The following FAM184B variants were observed in gnomAD, a reference collection of about 807,000 sequenced individuals.
FAM184B encodes protein FAM184B.
In FAM184B, 111 loss-of-function variants were observed where a neutral mutation model predicts 135.9. The observed-to-expected ratio is 0.82, with a 90% CI of 0.70 to 0.96. The LOEUF is 0.96. FAM184B is among the 40% of genes least tolerant of loss of function. The pLI, the probability that FAM184B is intolerant of heterozygous loss-of-function variation, is 0.00. For missense variants in FAM184B, 1,375 were observed against 1,323.9 expected (o/e 1.04, Z -0.60); for synonymous variants, 552 against 524.8 (o/e 1.05, Z -0.71).
At chr4:17,732,995 A>G (rs1717821619) in intron 1 of FAM184B, among the ~76,000 whole-genome samples, 1 of 152,240 alleles carries the variant, frequency 6.6e-6, no homozygotes, top group African/African-American at 2.4e-5. Flanking sequence ...ACCATGATCA[A>G]GTGGGCTTCA....
chr4:17,647,202 C>G (rs1715490357), intron 12 of FAM184B, among the ~76,000 whole-genome samples: 1 of 151,778 alleles, frequency 6.6e-6, no homozygotes. Context: ...AAGGGTCTTC[C>G]CCACTTCGGG....
chr4:17,734,442 G>A (rs1717860344), intron 1 of FAM184B, among the ~76,000 whole-genome samples: 1 of 152,022 alleles, frequency 6.6e-6, no homozygotes, highest in Non-Finnish European at 1.5e-5. Context: ...TCTGACAAAG[G>A]CCTAATATCC....
chr4:17,768,998 T>A (rs1411126895), intron 1 of FAM184B, among the ~76,000 whole-genome samples: 1 of 152,006 alleles, frequency 6.6e-6, no homozygotes, highest in Non-Finnish European at 1.5e-5. Flanking sequence ...AGACGGGGTT[T>A]CTCCATGTTG....
rs563955204 is a variant in FAM184B, at chr4:17,642,140, G to A, written c.2435C>T (p.Ala812Val). 4.2e-4 allele frequency: 641 copies of A among 1,533,666 alleles called. 2 individuals carry two copies. In the African/African-American group the frequency reaches 7.8e-3, roughly 19 times the overall value. The change falls in exon 13 of 18, where the codon GCG (alanine) becomes GTG (valine). Residue 812 changes from alanine (A) to valine (V), a missense_variant. Transcript: ENST00000265018. The stretch of plus-strand genomic sequence containing the variant: ...CCGCCGCACCGCGTCCTGGAGCTGC[G>A]CGTTCTCCTCCCAGAGCCCGCATCC... ...GEGCGLWEEN[A>V]QLQDAVRRLR... is the part of the protein sequence containing the mutation.
chr4:17,682,123 CT>C (rs1220225581), intron 7 of FAM184B, among the ~76,000 whole-genome samples: 1 of 152,176 alleles, frequency 6.6e-6, no homozygotes, highest in East Asian at 1.9e-4. Context: ...AAATGACTCC[CT>C]TTTCCTTCTG....
intron 7 of FAM184B, among the ~76,000 whole-genome samples, chr4:17,686,333 C>T (rs188756643): frequency 1.3e-5 from 2 of 152,338 alleles, no homozygotes; most frequent in East Asian, 1.9e-4. Context: ...GGTGCCTCTG[C>T]TCCTTTAGGC....
intron 13 of FAM184B, among the ~76,000 whole-genome samples, chr4:17,641,243 T>G (rs1341657761): frequency 6.6e-6 from 1 of 151,012 alleles, no homozygotes; most frequent in Non-Finnish European, 1.5e-5. Flanking sequence ...GAGGCTGGAG[T>G]CTTATCCCCA....
At chr4:17,757,491 AT>A (rs895939320) in intron 1 of FAM184B, among the ~76,000 whole-genome samples, 2 of 151,996 alleles carry the variant, frequency 1.3e-5, no homozygotes, top group Non-Finnish European at 2.9e-5. Flanking sequence ...TTTAGCATTA[AT>A]TTTTTTTCAG....
chr4:17,646,547 A>G (rs1490924958), intron 12 of FAM184B, among the ~76,000 whole-genome samples: 1 of 151,532 alleles, frequency 6.6e-6, no homozygotes, highest in Non-Finnish European at 1.5e-5. Flanking sequence ...ACTTGGACAC[A>G]GGAAGGGGGA....
At chr4:17,741,209 A>C (rs922781295) in intron 1 of FAM184B, among the ~76,000 whole-genome samples, 1 of 152,206 alleles carries the variant, frequency 6.6e-6, no homozygotes, top group African/African-American at 2.4e-5. Context: ...TAGAATAAAC[A>C]ATTTGTTAGT....
At chr4:17,698,675 C>T (rs1461575237) in intron 5 of FAM184B, among the ~76,000 whole-genome samples, 1 of 152,116 alleles carries the variant, frequency 6.6e-6, no homozygotes, top group Non-Finnish European at 1.5e-5. Context: ...TAGGGCTTAA[C>T]TAGAGTTAGA....
chr4:17,660,107 A>T lies in FAM184B; in HGVS notation c.1695-20T>A. ...TTGGTCCTTTGAAGATAAGGATGCCACAATCACAAAAGATCCTAGGGCTAG... is the reference window on the plus strand; with the variant it reads ...TTGGTCCTTTGAAGATAAGGATGCCTCAATCACAAAAGATCCTAGGGCTAG... On this transcript the variant is annotated intron_variant, in intron 8 of 17. Transcript: ENST00000265018. 2 of 1,550,782 alleles carry T rather than the reference A, an allele frequency of 1.3e-6. No individual in the cohort carries two copies. The highest frequency in any genetic ancestry group is 8.7e-7 in the Non-Finnish European group (1 of 1,146,606).
At chr4:17,698,168 C>T (rs574215680) in intron 5 of FAM184B, among the ~76,000 whole-genome samples, 1 of 152,172 alleles carries the variant, frequency 6.6e-6, no homozygotes, top group East Asian at 1.9e-4. Flanking sequence ...ACTGCTTCAG[C>T]CCAAACCTGG....
intron 1 of FAM184B, among the ~76,000 whole-genome samples, chr4:17,765,556 CCA>C (rs1718650545): frequency 6.6e-6 from 1 of 152,180 alleles, no homozygotes; most frequent in South Asian, 2.1e-4. Flanking sequence ...AAATTATAAT[CCA>C]GTTTTTGTAT....
Position 17,647,928 on chromosome 4 carries a change from C to A in FAM184B, c.2192-137G>T, listed in dbSNP as rs993254729. On this transcript the variant is annotated intron_variant, in intron 11 of 17. Transcript: ENST00000265018. ...CTTGTGGTGGGTTAGGTTCCCCAAA[C>A]CTTTTCCAAGGTAACAGTAACAACA... 3.1e-6 allele frequency: 3 copies of A among 964,776 alleles called. No individual in the cohort carries two copies. The African/African-American group carries it at 4.9e-5, about 16-fold the overall frequency. The allele number at this position is 964,776 out of a possible 1,614,324, so 59.8% of individuals were successfully genotyped here.
At chr4:17,767,149 G>A (rs1160802420) in intron 1 of FAM184B, among the ~76,000 whole-genome samples, 1 of 152,158 alleles carries the variant, frequency 6.6e-6, no homozygotes, top group Non-Finnish European at 1.5e-5. Context: ...GCTGGCCCGC[G>A]AGGGCTGCAG....
chr4:17,689,953 T>C (rs4698647), intron 6 of FAM184B, among the ~76,000 whole-genome samples: 9 of 151,604 alleles, frequency 5.9e-5, no homozygotes, highest in Admixed American at 2.0e-4. Context: ...GTTTGAGACC[T>C]GTCTGGCCAA....
At chr4:17,776,904 G>A (rs796460605) in intron 1 of FAM184B, among the ~76,000 whole-genome samples, 2 of 152,172 alleles carry the variant, frequency 1.3e-5, no homozygotes, top group South Asian at 4.1e-4. Flanking sequence ...GGATGTACTA[G>A]GAGATTGTGC....
chr4:17,681,556 CA>C (rs1452503186), intron 7 of FAM184B, among the ~76,000 whole-genome samples: 1 of 152,202 alleles, frequency 6.6e-6, no homozygotes, highest in Non-Finnish European at 1.5e-5. Context: ...CTCAGGATGT[CA>C]CAGTTGTTTA....
Sources: gnomAD v4.1 joint callset for allele counts (sites outside exome capture counted in the v4.1 genomes callset) on GRCh38, gnomAD v4.1.1 for gene constraint, MANE v1.5 for transcripts, NCBI Gene and HGNC (gene_info 2026-07-23, HGNC 2026-07-21) for gene names.